Variants in SLC24A2 observed in about 807,000 individuals in gnomAD.
SLC24A2 encodes sodium/potassium/calcium exchanger 2.
Under a neutral mutation model 62.0 loss-of-function variants are expected in SLC24A2, and 36 were observed. The observed-to-expected ratio is 0.58, with a 90% CI of 0.44 to 0.77. The LOEUF is 0.77. Ranked by LOEUF, SLC24A2 falls within the 30% of genes least tolerant of loss-of-function variation. The probability of loss-of-function intolerance (pLI) is 0.00; values close to 1 mark genes in which losing one functional copy is unlikely to be tolerated. For synonymous variants in SLC24A2, 358 were observed against 294.0 expected (o/e 1.22, Z -2.23); for missense variants, 846 against 817.9 (o/e 1.03, Z -0.42).
intron 2 of SLC24A2, among the ~76,000 whole-genome samples, chr9:19,783,570 T>C (rs1823076535): frequency 6.6e-6 from 1 of 152,184 alleles, no homozygotes; most frequent in African/African-American, 2.4e-5. Context: ...ATGAATCAAA[T>C]TACATTAAAA....
chr9:20,285,764 G>A, the SLC24A2 span, among the ~76,000 whole-genome samples: 2 of 152,254 alleles, frequency 1.3e-5, no homozygotes, highest in Admixed American at 6.5e-5. Context: ...ATAAGGGTGG[G>A]GCCCTAATTC....
the SLC24A2 span, among the ~76,000 whole-genome samples, chr9:20,236,117 T>G: frequency 2.0e-5 from 3 of 152,232 alleles, no homozygotes; most frequent in Non-Finnish European, 4.4e-5. Flanking sequence ...GAATTTTTAA[T>G]AAAGTATCTA....
At chr9:20,245,669 T>C in the SLC24A2 span, among the ~76,000 whole-genome samples, 3 of 152,302 alleles carry the variant, frequency 2.0e-5, no homozygotes, top group South Asian at 4.1e-4. Flanking sequence ...ATTTTTGGAC[T>C]ATGGAAGTAT....
At chr9:19,747,369 T>C (rs1222277048) in intron 2 of SLC24A2, among the ~76,000 whole-genome samples, 2 of 152,188 alleles carry the variant, frequency 1.3e-5, no homozygotes, top group Admixed American at 6.6e-5. Context: ...ATAGGTTTCA[T>C]AAAATACACA....
At chr9:20,074,852 C>T in the SLC24A2 span, among the ~76,000 whole-genome samples, 2 of 152,016 alleles carry the variant, frequency 1.3e-5, no homozygotes, top group Non-Finnish European at 2.9e-5. Context: ...TATCATTTGC[C>T]TTCTCTTGGA....
At chr9:20,041,767 T>G in the SLC24A2 span, among the ~76,000 whole-genome samples, 2 of 152,276 alleles carry the variant, frequency 1.3e-5, no homozygotes, top group African/African-American at 4.8e-5. Flanking sequence ...GCCAAATGGC[T>G]AAGTAGCCAG....
At chr9:19,529,097 C>T (rs1302606922) in intron 8 of SLC24A2, among the ~76,000 whole-genome samples, 1 of 152,172 alleles carries the variant, frequency 6.6e-6, no homozygotes, top group Admixed American at 6.5e-5. Flanking sequence ...CAGCACAATG[C>T]TGTCAGAGAG....
chr9:20,220,614 T>A, the SLC24A2 span, among the ~76,000 whole-genome samples: 1 of 151,936 alleles, frequency 6.6e-6, no homozygotes, highest in East Asian at 1.9e-4. Context: ...AGAAAGGCAG[T>A]TGGTTGGTTT....
chr9:19,737,390 T>C (rs528364292), intron 2 of SLC24A2, among the ~76,000 whole-genome samples: 1 of 152,284 alleles, frequency 6.6e-6, no homozygotes, highest in East Asian at 1.9e-4. Flanking sequence ...GAAACATGCA[T>C]GGGTGTTCTG....
chr9:19,833,997 A>C, the SLC24A2 span, among the ~76,000 whole-genome samples: 1 of 152,234 alleles, frequency 6.6e-6, no homozygotes, highest in Non-Finnish European at 1.5e-5. Flanking sequence ...AAACTCCAAC[A>C]GACCTGCAGC....
In SLC24A2 at chr9:19,515,912, G is replaced by A; in HGVS notation, c.*241C>T. The A allele has an allele frequency of 1.9e-6, 1 of 519,074 alleles. No homozygotes were observed. Among genetic ancestry groups the A allele is most frequent in the Non-Finnish European group, 3.5e-6 (1 of 286,862 alleles). 32.2% of individuals were successfully genotyped at this position (519,074 alleles called of 1,614,324 possible). ...TGTACTTGTCAGTGGTGAATAGGGA[G>A]AAGCCCTGTATTGACGGTTCTCTTT... is the stretch of plus-strand genomic sequence containing the variant. On this transcript the variant is annotated 3_prime_UTR_variant, in exon 11 of 11. Transcript: ENST00000341998.
At chr9:19,945,750 T>C in the SLC24A2 span, among the ~76,000 whole-genome samples, 2 of 152,322 alleles carry the variant, frequency 1.3e-5, no homozygotes, top group East Asian at 3.9e-4. Flanking sequence ...GCCCACACTT[T>C]GAGTTCCCAA....
At chr9:19,523,334 G>GGGAAGT (rs1833285940) in intron 9 of SLC24A2, among the ~76,000 whole-genome samples, 3 of 152,154 alleles carry the variant, frequency 2.0e-5, no homozygotes, top group Non-Finnish European at 4.4e-5. Context: ...CTGAGTCTCA[G>GGGAAGT]TCTTTCCTAT....
At chr9:20,097,256 A>G in the SLC24A2 span, among the ~76,000 whole-genome samples, 1 of 152,196 alleles carries the variant, frequency 6.6e-6, no homozygotes, top group Non-Finnish European at 1.5e-5. Flanking sequence ...GCTGATGGAC[A>G]GAGTACTCCA....
chr9:19,808,797 C>T, the SLC24A2 span, among the ~76,000 whole-genome samples: 5 of 152,214 alleles, frequency 3.3e-5, no homozygotes, highest in Non-Finnish European at 7.3e-5. The surrounding 1 kb of genome is among the most constrained non-coding windows in gnomAD (Gnocchi z 4.1). Context: ...TGGGCTGACC[C>T]CTCCTCTACA....
At chr9:19,739,090 C>T (rs1173730503) in intron 2 of SLC24A2, among the ~76,000 whole-genome samples, 8 of 152,256 alleles carry the variant, frequency 5.3e-5, no homozygotes, top group Middle Eastern at 3.4e-3. Context: ...GCACTCCATC[C>T]GGGGTGACAG....
At chr9:20,103,526 G>T in the SLC24A2 span, among the ~76,000 whole-genome samples, 1 of 152,188 alleles carries the variant, frequency 6.6e-6, no homozygotes, top group Non-Finnish European at 1.5e-5. Context: ...GCAGACAACA[G>T]CATTCGTGGT....
chr9:19,986,180 A>T, the SLC24A2 span, among the ~76,000 whole-genome samples: 1 of 152,186 alleles, frequency 6.6e-6, no homozygotes, highest in South Asian at 2.1e-4. Flanking sequence ...GCATGAAAAG[A>T]TGCTCAACAT....
chr9:19,742,490 G>A (rs1173741359), intron 2 of SLC24A2, among the ~76,000 whole-genome samples: 1 of 152,184 alleles, frequency 6.6e-6, no homozygotes, highest in African/African-American at 2.4e-5. Flanking sequence ...AACTTCAGGA[G>A]AGAAAAGCCT....
Sources: allele counts gnomAD v4.1 joint callset (sites outside exome capture counted in the v4.1 genomes callset), GRCh38; gene constraint gnomAD v4.1.1; non-coding constraint Gnocchi (gnomAD v3.1); transcripts MANE v1.5; gene names NCBI Gene and HGNC (gene_info 2026-07-23, HGNC 2026-07-21).